The following ARHGAP20 variants were observed in gnomAD, a reference collection of about 807,000 sequenced individuals.
ARHGAP20 encodes Rho GTPase activating protein 20.
A neutral mutation model predicts 73.7 loss-of-function variants in ARHGAP20; 34 were observed. That is an observed-to-expected ratio of 0.46 (90% CI 0.35 to 0.61). The LOEUF (loss-of-function observed/expected upper bound fraction) is 0.61. Among genes scored for constraint, ARHGAP20 ranks in the 20% least tolerant of loss-of-function variants. ARHGAP20 has a pLI of 0.00. For missense variants in ARHGAP20, 1,314 were observed against 1,420.9 expected (o/e 0.92, Z 1.21); for synonymous variants, 523 against 518.2 (o/e 1.01, Z -0.13).
At chr11:110,701,199 C>T (rs1001304070) in intron 1 of ARHGAP20, among the ~76,000 whole-genome samples, 6 of 149,722 alleles carry the variant, frequency 4.0e-5, no homozygotes, top group Admixed American at 3.3e-4. Context: ...AGTTTACAGT[C>T]CAACAGTGTA....
At position 110,615,544 on chromosome 11, in the gene ARHGAP20, A is replaced by G. The variant is rs752517466; in HGVS notation, c.545+9T>C. Reference sequence around the variant, plus strand: ...TTAAAGATTAAAAATATGAATACTGAAAAAATACCTCTGAAGGAGAGAGAG... The same window carrying G: ...TTAAAGATTAAAAATATGAATACTGGAAAAATACCTCTGAAGGAGAGAGAG... On this transcript the variant is annotated intron_variant, in intron 5 of 14. Transcript: ENST00000683387. 1.1e-5 allele frequency: 17 copies of G among 1,607,254 alleles called. No individual in the cohort carries two copies. In the South Asian group the frequency reaches 1.7e-4, roughly 16 times the overall value.
intron 4 of ARHGAP20, among the ~76,000 whole-genome samples, chr11:110,622,503 A>G (rs945384841): frequency 6.6e-6 from 1 of 152,178 alleles, no homozygotes; most frequent in African/African-American, 2.4e-5. Flanking sequence ...ATATTAGTAC[A>G]TTACTATCAA....
intron 2 of ARHGAP20, among the ~76,000 whole-genome samples, chr11:110,643,053 T>A (rs1949109316): frequency 6.6e-6 from 1 of 152,110 alleles, no homozygotes; most frequent in Admixed American, 6.6e-5. Flanking sequence ...CTAGATTTTT[T>A]AATTTGTGTG....
chr11:110,699,513 C>G (rs994397218), intron 1 of ARHGAP20, among the ~76,000 whole-genome samples: 1 of 151,868 alleles, frequency 6.6e-6, no homozygotes, highest in African/African-American at 2.4e-5. Context: ...CGAAGTCCCC[C>G]ACTATTACTG....
chr11:110,587,324 A>G (rs1947696762), intron 11 of ARHGAP20, among the ~76,000 whole-genome samples: 1 of 152,202 alleles, frequency 6.6e-6, no homozygotes, highest in Non-Finnish European at 1.5e-5. Flanking sequence ...TACCATACAC[A>G]TGGTTGGCTA....
Position 110,630,697 on chromosome 11 carries a change from T to C in ARHGAP20, c.284A>G (p.Lys95Arg). 6.2e-7 allele frequency: 1 copy of C among 1,614,126 alleles called. No homozygotes were observed. The highest frequency in any genetic ancestry group is 8.5e-7 in the Non-Finnish European group (1 of 1,179,980). Residue 95 changes from lysine (K) to arginine (R), a missense_variant, in exon 3 of 15, where the codon AAA (lysine) becomes AGA (arginine). By Grantham distance (26) the Lys-to-Arg change is conservative. This residue lies in a region of ARHGAP20 where 443 missense variants were observed against 466.4 expected (regional missense o/e 0.95). Coordinates refer to ENST00000683387, the MANE Select transcript of ARHGAP20 (RefSeq NM_001384657.1). ...TLLIDGRAEL[K>R]RGLQRQERHL... ...CCGCTCCTGCCTCTGGAGGCCTCTT[T>C]TGAGTTCTGCCCGGCCATCAATCAG... is the stretch of plus-strand genomic sequence containing the variant.
intron 2 of ARHGAP20, among the ~76,000 whole-genome samples, chr11:110,674,782 C>T (rs1221479816): frequency 6.6e-6 from 1 of 152,148 alleles, no homozygotes; most frequent in Non-Finnish European, 1.5e-5. Context: ...ATGTTCAAAA[C>T]TTGTTCACCT....
intron 12 of ARHGAP20, among the ~76,000 whole-genome samples, chr11:110,585,707 A>G (rs1947646147): frequency 6.6e-6 from 1 of 151,930 alleles, no homozygotes; most frequent in Non-Finnish European, 1.5e-5. Context: ...GTCCTTTGCA[A>G]CTCTGCTTTT....
At chr11:110,658,265 A>G (rs1037778286) in intron 2 of ARHGAP20, among the ~76,000 whole-genome samples, 23 of 152,196 alleles carry the variant, frequency 1.5e-4, no homozygotes, top group Non-Finnish European at 3.1e-4. Flanking sequence ...GTTACTACTG[A>G]TAGTAATGGT....
rs375478681 is a variant in ARHGAP20, at chr11:110,690,559, C to T, written c.176G>A (p.Arg59Gln). The T allele has an allele frequency of 1.0e-4, 168 of 1,613,894 alleles. No individual in the cohort carries two copies. Among genetic ancestry groups the T allele is most frequent in the Middle Eastern group, 8.3e-4 (5 of 6,060 alleles). Residue 59 changes from arginine to glutamine, a missense_variant, in exon 2 of 15, where the codon CGG (arginine) becomes CAG (glutamine). By Grantham distance (43) the Arg-to-Gln change is conservative. Transcript: ENST00000683387. ...SLILDKALQK[R>Q]PTTRDSPSAS... ...GCTTTGCACTTACCTGGTAGTAGGC[C>T]GTTTTTGTAGGGCTTTATCCAGGAT...
chr11:110,640,592 C>A (rs1351256750), intron 2 of ARHGAP20, among the ~76,000 whole-genome samples: 1 of 151,950 alleles, frequency 6.6e-6, no homozygotes, highest in Non-Finnish European at 1.5e-5. Flanking sequence ...GGAATCTAAT[C>A]TATGGCAATT....
intron 3 of ARHGAP20, 50 bp downstream of exon 3, chr11:110,630,578 A>G: frequency 1.3e-6 from 2 of 1,549,116 alleles, no homozygotes; most frequent in East Asian, 2.3e-5. Context: ...TATCTTTGTT[A>G]GTAAAAGTGC....
At chr11:110,663,471 T>C (rs942092007) in intron 2 of ARHGAP20, among the ~76,000 whole-genome samples, 5 of 151,698 alleles carry the variant, frequency 3.3e-5, no homozygotes, top group Non-Finnish European at 5.9e-5. Context: ...TGAAAAACTA[T>C]ATGGCTATAA....
At chr11:110,713,038 G>A (rs557273358), upstream of ARHGAP20, 3 of 152,396 alleles carry the variant, frequency 2.0e-5, no homozygotes, top group East Asian at 1.9e-4. Flanking sequence ...TTCTGCAGCC[G>A]GTCATGTCAG....
Position 110,579,786 on chromosome 11 carries a change from C to T in ARHGAP20, c.3160G>A (p.Ala1054Thr), listed in dbSNP as rs773681800. The T allele has an allele frequency of 1.9e-6, 3 of 1,614,030 alleles. No homozygotes were observed. The highest frequency in any genetic ancestry group is 2.2e-5 in the South Asian group (2 of 91,078). Reference sequence around the variant, plus strand: ...TCTTCCTCTGGTCTGGCTGCCTTTGCTTTCTTTTTGAGGGACCAGTTTTTC... The same window carrying T: ...TCTTCCTCTGGTCTGGCTGCCTTTGTTTTCTTTTTGAGGGACCAGTTTTTC... Reference protein sequence around the residue: ...SLKNWSLKKKAKAARPEEEKI... With the variant: ...SLKNWSLKKKTKAARPEEEKI... Residue 1054 changes from alanine to threonine, a missense_variant, in exon 15 of 15, where the codon GCA becomes ACA. Transcript: ENST00000683387.
At position 110,624,221 on chromosome 11, in the gene ARHGAP20, G is replaced by T. The variant is rs1948688244; in HGVS notation, c.444C>A (p.Thr148=). 2 of 1,612,968 alleles carry T rather than the reference G, an allele frequency of 1.2e-6. No homozygotes were observed. The highest frequency in any genetic ancestry group is 2.2e-5 in the South Asian group (2 of 90,754). The change falls in exon 4 of 15, where the codon ACC becomes ACA. Residue 148 remains threonine (T), a synonymous_variant. Transcript: ENST00000683387. Reference sequence around the variant, plus strand: ...CCAAAACAAAGGATTTCATGGCATTGGTGTTGCCTTCTCCCACTTCATCCA... The same window carrying T: ...CCAAAACAAAGGATTTCATGGCATTTGTGTTGCCTTCTCCCACTTCATCCA... ...SCVDEVGEGN[T]NAMKSFVLGW...
At chr11:110,626,992 G>A (rs1565446457) in intron 3 of ARHGAP20, among the ~76,000 whole-genome samples, 3 of 151,948 alleles carry the variant, frequency 2.0e-5, no homozygotes, top group Non-Finnish European at 2.9e-5. Flanking sequence ...AATGTGAACC[G>A]GCTCCAATAG....
At chr11:110,614,071 A>G (rs1479295435) in intron 6 of ARHGAP20, among the ~76,000 whole-genome samples, 1 of 152,202 alleles carries the variant, frequency 6.6e-6, no homozygotes, top group Non-Finnish European at 1.5e-5. Context: ...CTCCTAGATC[A>G]TCCTCCTATT....
At chr11:110,690,728 A>G in intron 1 of ARHGAP20, 99 bp from the exon 2 acceptor site, 1 of 1,173,702 alleles carries the variant, frequency 8.5e-7, no homozygotes, top group Non-Finnish European at 1.2e-6. Context: ...TGCATTGCCT[A>G]TCTTTGTCTG....
Sources: gnomAD v4.1 joint callset for allele counts (sites outside exome capture counted in the v4.1 genomes callset) on GRCh38, gnomAD v4.1.1 for gene constraint, gnomAD v4.1.1 regional missense constraint, MANE v1.5 for transcripts, NCBI Gene and HGNC (gene_info 2026-07-23, HGNC 2026-07-21) for gene names.